RAB4A: variants seen among roughly 807,000 people sequenced by gnomAD.
RAB4A encodes ras-related protein Rab-4A.
In RAB4A, 20 loss-of-function variants were observed where a neutral mutation model predicts 34.5. The ratio of observed to expected loss-of-function variants is 0.58; its 90% CI spans 0.41 to 0.84. The LOEUF (loss-of-function observed/expected upper bound fraction) is 0.84, where lower values mean the gene tolerates loss of function less well. Ranked by LOEUF, RAB4A falls within the 40% of genes least tolerant of loss-of-function variation. RAB4A has a pLI of 0.00. For synonymous variants in RAB4A, 102 were observed against 100.0 expected, an observed-to-expected ratio of 1.02 and a Z score of -0.12; for missense variants, 228 against 274.5, an observed-to-expected ratio of 0.83 and a Z score of 1.20.
In RAB4A at chr1:229,271,173, G is replaced by C; in HGVS notation, c.-167G>C. Reference sequence around the variant, plus strand: ...AGGGCCCTGCGCCTGCGCGGAGCTGGAGTCCGGCTGGGCCGCAGCCGCTGG... The same window carrying C: ...AGGGCCCTGCGCCTGCGCGGAGCTGCAGTCCGGCTGGGCCGCAGCCGCTGG... On this transcript the variant is annotated 5_prime_UTR_variant, in exon 1 of 8. Transcript: ENST00000366690. 1 of 559,408 alleles carries C rather than the reference G, an allele frequency of 1.8e-6. No individual in the cohort carries two copies. The highest frequency in any genetic ancestry group is 2.6e-6 in the Non-Finnish European group (1 of 380,774). 34.7% of individuals were successfully genotyped at this position (559,408 alleles called of 1,614,324 possible). A position where few individuals can be genotyped will look rare whatever the true frequency, so the allele number is the denominator to read the frequency against.
At chr1:229,281,637 G>C (rs973183926) in intron 1 of RAB4A, among the ~76,000 whole-genome samples, 1 of 151,662 alleles carries the variant, frequency 6.6e-6, no homozygotes, top group Non-Finnish European at 1.5e-5. Flanking sequence ...TGTAATTATT[G>C]ATATTGTATG....
At chr1:229,279,677 A>G (rs1458720252) in intron 1 of RAB4A, among the ~76,000 whole-genome samples, 1 of 152,116 alleles carries the variant, frequency 6.6e-6, no homozygotes, top group Non-Finnish European at 1.5e-5. Context: ...ATTGAATTCT[A>G]ATTATTTGAT....
intron 1 of RAB4A, among the ~76,000 whole-genome samples, chr1:229,275,614 C>CTTTT (rs1028884521): frequency 2.2e-4 from 29 of 131,048 alleles, no homozygotes; most frequent in African/African-American, 6.1e-4. Flanking sequence ...ATTTCTTTTC[C>CTTTT]TTTTTTTTTT....
intron 1 of RAB4A, among the ~76,000 whole-genome samples, chr1:229,285,399 G>A (rs1465304355): frequency 6.6e-6 from 1 of 152,096 alleles, no homozygotes; most frequent in Non-Finnish European, 1.5e-5. Context: ...GGTTGAATAG[G>A]CTTCATCTCT....
rs869095524 is a variant in RAB4A, at chr1:229,302,309, A to ATTT, written c.542-539_542-537dup. Among the ~76,000 whole-genome samples, 74 of 35,896 alleles carry ATTT rather than the reference A, an allele frequency of 2.1e-3. 5 individuals are homozygous for ATTT. The highest frequency in any genetic ancestry group is 4.7e-3 in the South Asian group (3 of 634). The allele number at this position is 35,896 out of a possible 152,430, so 23.5% of individuals were successfully genotyped here. Reference sequence around the variant, plus strand: ...TATATATATATATATATATATATATATTTTTTTTTTTTTTTTACATGTGCA... The same window carrying ATTT: ...TATATATATATATATATATATATATATTTTTTTTTTTTTTTTTTTACATGTGCA... On this transcript the variant is annotated intron_variant, in intron 6 of 7. Transcript: ENST00000366690.
chr1:229,277,277 G>A (rs977937816), intron 1 of RAB4A, among the ~76,000 whole-genome samples: 12 of 150,952 alleles, frequency 7.9e-5, no homozygotes, highest in Non-Finnish European at 1.3e-4. Context: ...TCAGGATTCC[G>A]CTGTGCCGAC....
At chr1:229,286,361 A>G (rs527769389) in intron 1 of RAB4A, 125 bp from the exon 2 acceptor site, 66 of 616,214 alleles carry the variant, frequency 1.1e-4, no homozygotes, top group Non-Finnish European at 1.6e-4. Context: ...ATTTCACAAG[A>G]TACTCAGTTA....
chr1:229,300,637 A>G (rs1571836793), intron 6 of RAB4A, among the ~76,000 whole-genome samples: 1 of 152,284 alleles, frequency 6.6e-6, no homozygotes, highest in East Asian at 1.9e-4. Context: ...CCAGAGGAGA[A>G]GCAGGGAATG....
intron 6 of RAB4A, among the ~76,000 whole-genome samples, chr1:229,302,284 TATA>T (rs1657414364): frequency 1.4e-4 from 3 of 20,918 alleles, no homozygotes; most frequent in African/African-American, 6.7e-4. Context: ...TATATATATA[TATA>T]TATATATATA....
intron 7 of RAB4A, 112 bp downstream of exon 7, chr1:229,303,101 T>C: frequency 1.3e-6 from 1 of 741,332 alleles, no homozygotes; most frequent in African/African-American, 1.8e-5. Flanking sequence ...CCGGGTGCAG[T>C]GGCTCTAATT....
intron 3 of RAB4A, among the ~76,000 whole-genome samples, chr1:229,290,721 T>C (rs1657048047): frequency 6.6e-6 from 1 of 152,142 alleles, no homozygotes; most frequent in Non-Finnish European, 1.5e-5. Context: ...AGAGATTGCA[T>C]TGGAGTATGT....
Position 229,286,557 on chromosome 1 carries a change from G to GA in RAB4A, c.111dup (p.Phe38IlefsTer4). ...ATCTTGCTTACTTCATCAGTTTATT[G>GA]AAAAAAAATGTAAGTGTCATGAAAT... is the stretch of plus-strand genomic sequence containing the variant. On this transcript the variant is annotated frameshift_variant, in exon 2 of 8. Coordinates refer to ENST00000366690, the MANE Select transcript of RAB4A (RefSeq NM_004578.4). LOFTEE classifies it high-confidence loss of function. The GA allele has an allele frequency of 1.7e-5, 27 of 1,555,982 alleles. No individual in the cohort carries two copies. Among genetic ancestry groups the GA allele is most frequent in the South Asian group, 4.9e-5 (4 of 82,340 alleles).
At chr1:229,293,769 A>G (rs1296462715) in intron 3 of RAB4A, among the ~76,000 whole-genome samples, 1 of 152,054 alleles carries the variant, frequency 6.6e-6, no homozygotes, top group Non-Finnish European at 1.5e-5. Flanking sequence ...CTGGATGGGG[A>G]TGCTTGGGGA....
At chr1:229,297,693 AT>A in intron 5 of RAB4A, 57 bp downstream of exon 5, 1 of 1,424,172 alleles carries the variant, frequency 7.0e-7, no homozygotes, top group Non-Finnish European at 9.4e-7. Context: ...GGATAATAGC[AT>A]TTCTTTGAAT....
chr1:229,302,307 A>ATTTTTT (rs1657430149), intron 6 of RAB4A, among the ~76,000 whole-genome samples: 1 of 34,996 alleles, frequency 2.9e-5, no homozygotes, highest in African/African-American at 8.2e-5. Flanking sequence ...ATATATATAT[A>ATTTTTT]TATTTTTTTT....
intron 1 of RAB4A, among the ~76,000 whole-genome samples, chr1:229,272,148 G>C (rs1257326323): frequency 6.7e-6 from 1 of 150,114 alleles, no homozygotes; most frequent in Non-Finnish European, 1.5e-5. Flanking sequence ...TTTTGGCCTT[G>C]CGTGGTAAGA....
chr1:229,303,039 G>A (rs559977479), intron 7 of RAB4A, 50 bp downstream of exon 7: 4 of 1,330,074 alleles, frequency 3.0e-6, no homozygotes, highest in African/African-American at 1.4e-5. Context: ...CTCAAGTGCA[G>A]AGGCCTGTTA....
At chr1:229,275,051 G>A (rs1318017622) in intron 1 of RAB4A, among the ~76,000 whole-genome samples, 2 of 152,160 alleles carry the variant, frequency 1.3e-5, no homozygotes, top group African/African-American at 4.8e-5. Flanking sequence ...ATTTTAGGCT[G>A]TTCAGGTTGA....
At chr1:229,282,829 G>T (rs1160113949) in intron 1 of RAB4A, among the ~76,000 whole-genome samples, 1 of 152,108 alleles carries the variant, frequency 6.6e-6, no homozygotes, top group African/African-American at 2.4e-5. Context: ...CTTTGCTGAT[G>T]ATTTCTAATT....
Sources: allele counts gnomAD v4.1 joint callset (sites outside exome capture counted in the v4.1 genomes callset), GRCh38; gene constraint gnomAD v4.1.1; transcripts MANE v1.5; gene names NCBI Gene and HGNC (gene_info 2026-07-23, HGNC 2026-07-21).